Variants in NFYC observed in about 807,000 individuals in gnomAD.
The protein encoded by NFYC is nuclear transcription factor Y subunit gamma, also known as CAAT box DNA-binding protein subunit C.
A neutral mutation model predicts 53.1 loss-of-function variants in NFYC; 25 were observed. That is an observed-to-expected ratio of 0.47 (90% CI 0.34 to 0.66). NFYC has a LOEUF of 0.66. Among genes scored for constraint, NFYC ranks in the 30% least tolerant of loss-of-function variants. The pLI is 0.01. For synonymous variants in NFYC, 145 were observed against 152.6 expected (o/e 0.95, Z 0.37); for missense variants, 260 against 422.7 (o/e 0.62, Z 3.38).
chr1:40,752,078 G>A (rs1218173317), intron 4 of NFYC, among the ~76,000 whole-genome samples: 1 of 152,114 alleles, frequency 6.6e-6, no homozygotes, highest in Non-Finnish European at 1.5e-5. Flanking sequence ...GTTTGCTAAG[G>A]ATTTCTGTTA....
At chr1:40,737,617 C>T (rs1395643141) in intron 1 of NFYC, among the ~76,000 whole-genome samples, 2 of 152,136 alleles carry the variant, frequency 1.3e-5, no homozygotes, top group East Asian at 3.9e-4. Flanking sequence ...GCATGAGCCA[C>T]CGCACCTGGC....
At chr1:40,723,151 C>A (rs953590722) in intron 1 of NFYC, 2 of 151,792 alleles carry the variant, frequency 1.3e-5, no homozygotes, top group African/African-American at 4.8e-5. Flanking sequence ...AACTCTGAAG[C>A]CCGTAAGTTG....
chr1:40,713,414 C>G (rs1644009431), intron 1 of NFYC, among the ~76,000 whole-genome samples: 1 of 152,178 alleles, frequency 6.6e-6, no homozygotes, highest in African/African-American at 2.4e-5. Flanking sequence ...CAATCGTGGT[C>G]ACTTTGGGCT....
intron 1 of NFYC, among the ~76,000 whole-genome samples, chr1:40,715,032 A>C (rs1298258095): frequency 1.3e-5 from 2 of 151,988 alleles, no homozygotes; most frequent in African/African-American, 4.8e-5. Flanking sequence ...GTGAGCCGAC[A>C]TGGCGCCACT....
chr1:40,731,762 G>A (rs1407526423), intron 1 of NFYC, among the ~76,000 whole-genome samples: 2 of 152,178 alleles, frequency 1.3e-5, no homozygotes, highest in African/African-American at 4.8e-5. Context: ...GGGTTTACAG[G>A]CGTGAGCCAC....
chr1:40,769,824 G>A (rs769220142), intron 9 of NFYC, among the ~76,000 whole-genome samples: 4 of 152,184 alleles, frequency 2.6e-5, no homozygotes, highest in African/African-American at 9.7e-5. Context: ...CAGAGAACAC[G>A]TGACCTCTTG....
Position 40,709,991 on chromosome 1 carries a change from T to C in NFYC, c.-9+18124T>C, listed in dbSNP as rs552600153. Among the ~76,000 whole-genome samples, 117 of 152,356 alleles carry C rather than the reference T, an allele frequency of 7.7e-4. 1 individual carries two copies. The highest frequency in any genetic ancestry group is 3.4e-3 in the Middle Eastern group (1 of 294). Reference sequence around the variant, plus strand: ...AGAGTTTTTCTATTTCCATGCACTTTGTTGACATCTGTGTTTTCAGATATG... The same window carrying C: ...AGAGTTTTTCTATTTCCATGCACTTCGTTGACATCTGTGTTTTCAGATATG... On this transcript the variant is annotated intron_variant, in intron 1 of 9. Coordinates refer to ENST00000447388, the MANE Select transcript of NFYC (RefSeq NM_014223.5).
chr1:40,762,366 C>T (rs1570718512), intron 6 of NFYC, among the ~76,000 whole-genome samples: 1 of 152,178 alleles, frequency 6.6e-6, no homozygotes, highest in East Asian at 1.9e-4. Flanking sequence ...TGAGAGCCAG[C>T]GTGCACTAGG....
At chr1:40,719,090 T>C (rs1163513053) in intron 1 of NFYC, among the ~76,000 whole-genome samples, 1 of 152,174 alleles carries the variant, frequency 6.6e-6, no homozygotes, top group East Asian at 1.9e-4. Context: ...CAGATGGTCT[T>C]GATCTTATGA....
rs1384978291 is a variant in NFYC at position 40,770,055 on chromosome 1, C to G, written c.888+640C>G. On this transcript the variant is annotated intron_variant, in intron 9 of 9. Coordinates refer to ENST00000447388, the MANE Select transcript of NFYC (RefSeq NM_014223.5). This position sits in a 1 kb window ranked among gnomAD's most constrained non-coding sequence, Gnocchi z 5.3. The stretch of plus-strand genomic sequence containing the variant: ...AGCACCACATGCTAGGCTTACATGC[C>G]AGGGCTCCCATGAGGGCTTGGCTTT... Among the ~76,000 whole-genome samples, 2 of 152,176 alleles carry G rather than the reference C, an allele frequency of 1.3e-5. No homozygotes were observed. Among genetic ancestry groups the G allele is most frequent in the Admixed American group, 1.3e-4 (2 of 15,274 alleles).
At chr1:40,739,570 A>G (rs1645228748) in intron 2 of NFYC, among the ~76,000 whole-genome samples, 1 of 152,168 alleles carries the variant, frequency 6.6e-6, no homozygotes, top group Non-Finnish European at 1.5e-5. Flanking sequence ...GTCTCCAGAC[A>G]TTGGCAAATG....
intron 4 of NFYC, among the ~76,000 whole-genome samples, chr1:40,751,920 C>T (rs955812305): frequency 2.0e-5 from 3 of 151,998 alleles, no homozygotes; most frequent in Non-Finnish European, 4.4e-5. Context: ...GAGGGTTTAT[C>T]GTCAAGCTCG....
At chr1:40,722,245 C>T (rs1429362344) in intron 1 of NFYC, among the ~76,000 whole-genome samples, 2 of 151,676 alleles carry the variant, frequency 1.3e-5, no homozygotes, top group East Asian at 3.9e-4. Flanking sequence ...GAGAGAAAAC[C>T]TAGTATAGCT....
At chr1:40,769,251 T>C in intron 8 of NFYC, 105 bp from the exon 9 acceptor site, 2 of 1,154,164 alleles carry the variant, frequency 1.7e-6, no homozygotes, top group South Asian at 1.3e-5. Context: ...CTGGGCACTT[T>C]ATATGCATTG....
intron 6 of NFYC, among the ~76,000 whole-genome samples, chr1:40,760,671 G>A (rs1646494394): frequency 6.6e-6 from 1 of 151,572 alleles, no homozygotes; most frequent in Non-Finnish European, 1.5e-5. Context: ...AGTAAGCTGA[G>A]ATCGTGCCAC....
At chr1:40,728,286 G>A (rs1225107724) in intron 1 of NFYC, among the ~76,000 whole-genome samples, 2 of 152,134 alleles carry the variant, frequency 1.3e-5, no homozygotes, top group African/African-American at 4.8e-5. Context: ...AATGGATATT[G>A]TGTTAGCAGG....
At position 40,718,707 on chromosome 1, in the gene NFYC, A is replaced by T. The variant is rs150605339; in HGVS notation, c.-8-20129A>T. On this transcript the variant is annotated intron_variant, in intron 1 of 9. Coordinates refer to ENST00000447388, the MANE Select transcript of NFYC (RefSeq NM_014223.5). The stretch of plus-strand genomic sequence containing the variant: ...GTAAGTAGTTGAAGGATTTTTTCCA[A>T]ATAGATATGTGGTTAGAATTGTATT... Among the ~76,000 whole-genome samples, 82 of 152,332 alleles carry T rather than the reference A, an allele frequency of 5.4e-4. 1 individual carries two copies. Among genetic ancestry groups the T allele is most frequent in the African/African-American group, 1.9e-3 (78 of 41,572 alleles).
chr1:40,747,309 C>T (rs1384199587), intron 2 of NFYC, among the ~76,000 whole-genome samples: 3 of 151,084 alleles, frequency 2.0e-5, no homozygotes, highest in Non-Finnish European at 2.9e-5. Context: ...AGAGGCCATC[C>T]TAAGCTTTTT....
intron 1 of NFYC, among the ~76,000 whole-genome samples, chr1:40,695,388 G>C (rs954221188): frequency 1.3e-5 from 2 of 152,192 alleles, no homozygotes; most frequent in African/African-American, 4.8e-5. Flanking sequence ...CCCATTCTGT[G>C]CTATGGAGCT....
Sources: allele counts gnomAD v4.1 joint callset (sites outside exome capture counted in the v4.1 genomes callset), GRCh38; gene constraint gnomAD v4.1.1; non-coding constraint Gnocchi (gnomAD v3.1); transcripts MANE v1.5; gene names NCBI Gene and HGNC (gene_info 2026-07-23, HGNC 2026-07-21).